PDE3B: variants seen among roughly 807,000 people sequenced by gnomAD.
The protein encoded by PDE3B is phosphodiesterase 3B, also known as cGMP-inhibited 3',5'-cyclic phosphodiesterase 3B.
In PDE3B, 66 loss-of-function variants were observed where a neutral mutation model predicts 116.8. The ratio of observed to expected loss-of-function variants is 0.56; its 90% CI spans 0.46 to 0.69. PDE3B has a LOEUF of 0.69. PDE3B is among the 30% of genes least tolerant of loss of function. The probability of loss-of-function intolerance (pLI) is 0.00; values close to 1 mark genes in which losing one functional copy is unlikely to be tolerated. For missense variants in PDE3B, 1,384 were observed against 1,368.1 expected, an observed-to-expected ratio of 1.01 and a Z score of -0.18; for synonymous variants, 595 against 533.6, an observed-to-expected ratio of 1.12 and a Z score of -1.59.
At chr11:14,892,185 A>G in the PDE3B span, 12 of 1,610,256 alleles carry the variant, frequency 7.5e-6, no homozygotes, top group Admixed American at 1.7e-5. Flanking sequence ...CGCCCTCTTC[A>G]GCTCTCCAAA....
intron 1 of PDE3B, among the ~76,000 whole-genome samples, chr11:14,654,792 A>G (rs1378617513): frequency 2.4e-5 from 2 of 84,998 alleles, no homozygotes; most frequent in East Asian, 2.9e-4. Context: ...CTGTCTACAC[A>G]CACACACACA....
chr11:14,844,077 C>A, intron 12 of PDE3B, 51 bp downstream of exon 12: 2 of 1,345,280 alleles, frequency 1.5e-6, no homozygotes, highest in South Asian at 2.4e-5. Context: ...AATTTTCAGT[C>A]ATGCTGTGTA....
chr11:14,855,200 C>G (rs1728986443), intron 12 of PDE3B, among the ~76,000 whole-genome samples: 1 of 152,002 alleles, frequency 6.6e-6, no homozygotes, highest in South Asian at 2.1e-4. Context: ...GGGACTAGGT[C>G]AAGATGTGAC....
At chr11:14,682,134 C>T (rs945768257) in intron 1 of PDE3B, among the ~76,000 whole-genome samples, 10 of 152,156 alleles carry the variant, frequency 6.6e-5, no homozygotes, top group African/African-American at 2.2e-4. Context: ...TCTTCATCCT[C>T]ACTGTCTTCA....
intron 1 of PDE3B, among the ~76,000 whole-genome samples, chr11:14,721,492 T>C (rs1040419083): frequency 6.6e-6 from 1 of 151,524 alleles, no homozygotes; most frequent in Admixed American, 6.6e-5. Flanking sequence ...TATTGTGGCA[T>C]TATTCACAAT....
rs370965652 is a variant in PDE3B at position 14,870,312 on chromosome 11, GTT to G, written c.*655_*656del. The G allele has an allele frequency of 4.5e-4, 69 of 152,704 alleles. 1 individual carries two copies. The highest frequency in any genetic ancestry group is 1.6e-3 in the African/African-American group (68 of 41,550). The allele number at this position is 152,704 out of a possible 1,614,324, so 9.5% of individuals were successfully genotyped here. A position where few individuals can be genotyped will look rare whatever the true frequency, so the allele number is the denominator to read the frequency against. On this transcript the variant is annotated 3_prime_UTR_variant, in exon 16 of 16. Coordinates refer to ENST00000282096, the MANE Select transcript of PDE3B (RefSeq NM_000922.4). This position sits in a 1 kb window ranked among gnomAD's most constrained non-coding sequence, Gnocchi z 4.1. The stretch of plus-strand genomic sequence containing the variant: ...CTATTGTGTATTATCTACTATGTGT[GTT>G]TTATTTCTGCTGAGAGTATTCAGGT...
At chr11:14,897,864 C>T in the PDE3B span, among the ~76,000 whole-genome samples, 1 of 152,300 alleles carries the variant, frequency 6.6e-6, no homozygotes, top group African/African-American at 2.4e-5. Context: ...TGCATCTCTA[C>T]CTGTGAGCCC....
At chr11:14,893,952 A>G in the PDE3B span, among the ~76,000 whole-genome samples, 1 of 152,332 alleles carries the variant, frequency 6.6e-6, no homozygotes, top group South Asian at 2.1e-4. Flanking sequence ...AACAGAGGAA[A>G]TATCAAGGGC....
intron 7 of PDE3B, among the ~76,000 whole-genome samples, chr11:14,826,883 C>T (rs1859710252): frequency 6.6e-6 from 1 of 152,122 alleles, no homozygotes; most frequent in Admixed American, 6.6e-5. Flanking sequence ...AAACCTCAAG[C>T]CAATATCCTT....
At chr11:14,813,118 T>C (rs953495124) in intron 5 of PDE3B, among the ~76,000 whole-genome samples, 2 of 152,196 alleles carry the variant, frequency 1.3e-5, no homozygotes, top group African/African-American at 2.4e-5. Context: ...TTCTCTTATT[T>C]ATAAAATACC....
the PDE3B span, chr11:14,886,007 TC>T: frequency 2.3e-6 from 3 of 1,310,506 alleles, no homozygotes; most frequent in South Asian, 1.2e-5. Context: ...GTGCGGCTCT[TC>T]CAGGATTTGT....
chr11:14,824,380 A>G (rs1859621625), intron 7 of PDE3B, among the ~76,000 whole-genome samples: 1 of 152,214 alleles, frequency 6.6e-6, no homozygotes, highest in East Asian at 1.9e-4. Context: ...CCAGTTCAAC[A>G]AAACTAAGAA....
At chr11:14,661,360 C>T (rs1853901084) in intron 1 of PDE3B, among the ~76,000 whole-genome samples, 1 of 152,236 alleles carries the variant, frequency 6.6e-6, no homozygotes, top group Admixed American at 6.5e-5. Flanking sequence ...CTCCGGTCTA[C>T]AGCTTCCAGC....
At chr11:14,737,584 A>G (rs146201207) in intron 1 of PDE3B, among the ~76,000 whole-genome samples, 2 of 152,266 alleles carry the variant, frequency 1.3e-5, no homozygotes, top group East Asian at 1.9e-4. Context: ...CTTTAAAAAA[A>G]TTGAGGTGAA....
intron 1 of PDE3B, among the ~76,000 whole-genome samples, chr11:14,679,170 ATCT>A (rs1165025630): frequency 3.9e-5 from 6 of 151,930 alleles, no homozygotes; most frequent in Admixed American, 1.3e-4. Flanking sequence ...TGTAGTGTGA[ATCT>A]TCTTATCTTT....
At chr11:14,782,897 A>G (rs909179340) in intron 2 of PDE3B, among the ~76,000 whole-genome samples, 5 of 152,224 alleles carry the variant, frequency 3.3e-5, no homozygotes, top group African/African-American at 1.2e-4. Flanking sequence ...TCTACAAGGA[A>G]CTTAAACAAA....
intron 1 of PDE3B, among the ~76,000 whole-genome samples, chr11:14,647,351 C>T (rs1286005934): frequency 6.6e-6 from 1 of 151,976 alleles, no homozygotes; most frequent in Non-Finnish European, 1.5e-5. Context: ...GTCTGTGAAC[C>T]TTTCTGAATC....
chr11:14,676,107 C>G (rs1255789033), intron 1 of PDE3B, among the ~76,000 whole-genome samples: 2 of 152,012 alleles, frequency 1.3e-5, no homozygotes, highest in Non-Finnish European at 2.9e-5. Context: ...TTTTTATGTT[C>G]TTATTGACCA....
intron 1 of PDE3B, among the ~76,000 whole-genome samples, chr11:14,751,465 A>T (rs1367257962): frequency 6.6e-6 from 1 of 152,234 alleles, no homozygotes; most frequent in Non-Finnish European, 1.5e-5. Context: ...GTGAGTTGAT[A>T]TAAACTTATA....
Sources: allele counts gnomAD v4.1 joint callset (sites outside exome capture counted in the v4.1 genomes callset), GRCh38; gene constraint gnomAD v4.1.1; non-coding constraint Gnocchi (gnomAD v3.1); transcripts MANE v1.5; gene names NCBI Gene and HGNC (gene_info 2026-07-23, HGNC 2026-07-21).